The following BLTP3A variants were observed in gnomAD, a reference collection of about 807,000 sequenced individuals.
The protein encoded by BLTP3A is ICBP90 binding protein 1.
At chr6:34,802,494 C>T in the BLTP3A span, among the ~76,000 whole-genome samples, 1 of 152,028 alleles carries the variant, frequency 6.6e-6, no homozygotes, top group Non-Finnish European at 1.5e-5. Context: ...CTCAGCCTCC[C>T]AAGTAGCTGG....
the BLTP3A span, chr6:34,856,707 T>C: frequency 6.6e-7 from 1 of 1,525,166 alleles, no homozygotes; most frequent in Non-Finnish European, 8.9e-7. Context: ...ACATTAATGA[T>C]CTTAGGATTT....
chr6:34,792,789 G>A, the BLTP3A span, among the ~76,000 whole-genome samples: 1 of 152,064 alleles, frequency 6.6e-6, no homozygotes, highest in Non-Finnish European at 1.5e-5. Flanking sequence ...GCCCCTGCCC[G>A]TTCTAAATAA....
At chr6:34,792,255 C>A in the BLTP3A span, 6 of 1,541,626 alleles carry the variant, frequency 3.9e-6, no homozygotes, top group Non-Finnish European at 5.2e-6. Flanking sequence ...TCCGGCATGG[C>A]CGGGATCATT....
At chr6:34,820,552 T>A in the BLTP3A span, among the ~76,000 whole-genome samples, 28 of 151,978 alleles carry the variant, frequency 1.8e-4, no homozygotes, top group African/African-American at 6.8e-4. Context: ...GGATAGCACT[T>A]ATGTCTTGTG....
chr6:34,866,274 TG>T, the BLTP3A span, among the ~76,000 whole-genome samples: 1 of 151,912 alleles, frequency 6.6e-6, no homozygotes, highest in Admixed American at 6.6e-5. Flanking sequence ...GATGGTGGCG[TG>T]CGCCTGTAAT....
At chr6:34,843,991 T>G in the BLTP3A span, among the ~76,000 whole-genome samples, 1 of 152,156 alleles carries the variant, frequency 6.6e-6, no homozygotes. Context: ...TGTTTTTGTT[T>G]TTGTTTTGAG....
At chr6:34,814,342 T>A in the BLTP3A span, among the ~76,000 whole-genome samples, 5 of 152,210 alleles carry the variant, frequency 3.3e-5, no homozygotes, top group African/African-American at 1.2e-4. Flanking sequence ...AACCTATTCT[T>A]TGTTATTGCT....
At chr6:34,816,115 A>T in the BLTP3A span, among the ~76,000 whole-genome samples, 127 of 152,336 alleles carry the variant, frequency 8.3e-4, 1 homozygote, top group East Asian at 0.021. Flanking sequence ...GGAACTGTAA[A>T]TAGAGTTAGA....
At chr6:34,846,688 A>G in the BLTP3A span, among the ~76,000 whole-genome samples, 1 of 152,190 alleles carries the variant, frequency 6.6e-6, no homozygotes, top group Non-Finnish European at 1.5e-5. Context: ...TTTTTCAAAT[A>G]TAAGAGATCA....
At chr6:34,823,306 C>T in the BLTP3A span, 1 of 1,614,032 alleles carries the variant, frequency 6.2e-7, no homozygotes, top group Admixed American at 1.7e-5. Flanking sequence ...GATCCTCGGC[C>T]CCCCAATGGA....
the BLTP3A span, chr6:34,823,421 A>T: frequency 7.6e-7 from 1 of 1,315,540 alleles, no homozygotes; most frequent in Non-Finnish European, 1.1e-6. Context: ...AAAAATAAAA[A>T]CTTTTTATTA....
At chr6:34,815,241 G>GTGTTTGTTTGTT in the BLTP3A span, among the ~76,000 whole-genome samples, 438 of 151,516 alleles carry the variant, frequency 2.9e-3, 2 homozygotes, top group Middle Eastern at 6.8e-3. Flanking sequence ...AAATAAGTTG[G>GTGTTTGTTTGTT]TGTTTGTTTG....
At chr6:34,870,040 C>G in the BLTP3A span, among the ~76,000 whole-genome samples, 1 of 152,088 alleles carries the variant, frequency 6.6e-6, no homozygotes, top group Non-Finnish European at 1.5e-5. Flanking sequence ...AATTGTGTAA[C>G]CATCACCACA....
the BLTP3A span, chr6:34,867,190 G>A: frequency 6.4e-6 from 10 of 1,572,790 alleles, no homozygotes; most frequent in Non-Finnish European, 8.6e-6. Flanking sequence ...AGAATATTTT[G>A]ACTTTTAAAT....
the BLTP3A span, chr6:34,870,740 G>A: frequency 4.4e-6 from 6 of 1,354,740 alleles, no homozygotes; most frequent in East Asian, 2.3e-5. Context: ...CGTTCAGTCA[G>A]ATGAGAATGA....
At chr6:34,857,876 G>A in the BLTP3A span, 1 of 1,614,104 alleles carries the variant, frequency 6.2e-7, no homozygotes, top group East Asian at 2.2e-5. Flanking sequence ...AAGTCAGAAA[G>A]ATGAACACTT....
the BLTP3A span, among the ~76,000 whole-genome samples, chr6:34,862,385 A>T: frequency 0.44 from 66,667 of 151,796 alleles, 16,329 homozygotes; most frequent in African/African-American, 0.67. Context: ...CAAAAAAAAA[A>T]AATAATAATA....
At chr6:34,841,950 T>G in the BLTP3A span, among the ~76,000 whole-genome samples, 1 of 152,220 alleles carries the variant, frequency 6.6e-6, no homozygotes, top group African/African-American at 2.4e-5. Flanking sequence ...TTCTCTTTTT[T>G]AAGGGCAGGC....
At chr6:34,828,191 G>A in the BLTP3A span, among the ~76,000 whole-genome samples, 28 of 151,826 alleles carry the variant, frequency 1.8e-4, no homozygotes, top group East Asian at 4.7e-3. Flanking sequence ...CATGGCTCAC[G>A]CCTGTAATCC....
Sources: gnomAD v4.1 joint callset for allele counts (sites outside exome capture counted in the v4.1 genomes callset) on GRCh38, gnomAD v4.1.1 for gene constraint, MANE v1.5 for transcripts, NCBI Gene and HGNC (gene_info 2026-07-23, HGNC 2026-07-21) for gene names.